Variants in MAPK9 observed in about 807,000 individuals in gnomAD.
MAPK9 encodes mitogen-activated protein kinase 9.
A neutral mutation model predicts 57.1 loss-of-function variants in MAPK9; 30 were observed. The ratio of observed to expected loss-of-function variants is 0.53; its 90% CI spans 0.39 to 0.71. The LOEUF (loss-of-function observed/expected upper bound fraction) is 0.71, where lower values mean the gene tolerates loss of function less well. Ranked by LOEUF, MAPK9 falls within the 30% of genes least tolerant of loss-of-function variation. The pLI is 0.00. For synonymous variants in MAPK9, 155 were observed against 177.0 expected, an observed-to-expected ratio of 0.88 and a Z score of 0.99; for missense variants, 362 against 521.0, an observed-to-expected ratio of 0.69 and a Z score of 2.97.
chr5:180,286,484 C>G (rs1230300333), intron 1 of MAPK9, among the ~76,000 whole-genome samples: 1 of 151,758 alleles, frequency 6.6e-6, no homozygotes, highest in Non-Finnish European at 1.5e-5. Context: ...GGTATAACAA[C>G]GTAATCTTTC....
At position 180,234,040 on chromosome 5, in the gene MAPK9, G is replaced by C. The variant is rs879202455; in HGVS notation, c.*2344C>G. On this transcript the variant is annotated 3_prime_UTR_variant, in exon 12 of 12. Transcript: ENST00000452135. ...TTGAAACTGAGACCTGGACATGGGG[G>C]AGACAGTCGTTTCCTTCTTGGCTGG... 1 of 152,238 alleles carries C rather than the reference G, an allele frequency of 6.6e-6. No homozygotes were observed. The highest frequency in any genetic ancestry group is 6.5e-5 in the Admixed American group (1 of 15,284). 9.4% of individuals were successfully genotyped at this position (152,238 alleles called of 1,614,324 possible).
rs35920586 is a variant in MAPK9, at chr5:180,281,220, C to T, written c.-47-612G>A. On this transcript the variant is annotated intron_variant, in intron 1 of 11. Transcript: ENST00000452135. ...CCAGAGCTGGCATCAGCTGGCACAG[C>T]CCCAGAGTCCCACATCACCACCGGA... Among the ~76,000 whole-genome samples the T allele has an allele frequency of 1.2e-4, 18 of 152,280 alleles. No homozygotes were observed. In the East Asian group the frequency reaches 3.1e-3, roughly 26 times the overall value.
intron 1 of MAPK9, among the ~76,000 whole-genome samples, chr5:180,282,023 G>A (rs767670045): frequency 6.6e-6 from 1 of 152,222 alleles, no homozygotes; most frequent in African/African-American, 2.4e-5. Context: ...GCTGTGAGAA[G>A]GGGACTCAGG....
At chr5:180,261,633 T>A (rs1759978377) in intron 5 of MAPK9, 51 bp downstream of exon 5, 1 of 1,495,728 alleles carries the variant, frequency 6.7e-7, no homozygotes, top group Admixed American at 2.2e-5. Flanking sequence ...TAAAGGATTA[T>A]GACAACCAAA....
Position 180,234,255 on chromosome 5 carries a change from C to A in MAPK9, c.*2129G>T, listed in dbSNP as rs1757023423. 6.6e-6 allele frequency: 1 copy of A among 152,200 alleles called. No homozygotes were observed. Among genetic ancestry groups the A allele is most frequent in the Non-Finnish European group, 1.5e-5 (1 of 68,036 alleles). 9.4% of individuals were successfully genotyped at this position (152,200 alleles called of 1,614,324 possible). Reference sequence around the variant, plus strand: ...TTCTTTAACCAACATCAGCATTTATCCATAGAGATCAGTTTGAAACCATTT... The same window carrying A: ...TTCTTTAACCAACATCAGCATTTATACATAGAGATCAGTTTGAAACCATTT... On this transcript the variant is annotated 3_prime_UTR_variant, in exon 12 of 12. Coordinates refer to ENST00000452135, the MANE Select transcript of MAPK9 (RefSeq NM_002752.5).
chr5:180,248,384 G>A (rs1009712112), intron 6 of MAPK9, among the ~76,000 whole-genome samples: 1 of 152,168 alleles, frequency 6.6e-6, no homozygotes, highest in Non-Finnish European at 1.5e-5. Flanking sequence ...GATGACCCGG[G>A]CAAACTTTCA....
chr5:180,263,378 C>T (rs1382227397), intron 4 of MAPK9, among the ~76,000 whole-genome samples: 1 of 152,176 alleles, frequency 6.6e-6, no homozygotes, highest in African/African-American at 2.4e-5. Context: ...ACTGCTGCAA[C>T]AGCAGTAACT....
intron 7 of MAPK9, chr5:180,242,978 A>C (rs1307927816): frequency 2.3e-6 from 1 of 428,362 alleles, no homozygotes; most frequent in African/African-American, 2.0e-5. Context: ...AGTTTATTAA[A>C]TCAACACAAT....
chr5:180,248,277 T>C (rs1244395128), intron 6 of MAPK9, among the ~76,000 whole-genome samples: 1 of 152,166 alleles, frequency 6.6e-6, no homozygotes, highest in African/African-American at 2.4e-5. Flanking sequence ...GATCAAGTTT[T>C]CTCTCCCCTC....
In MAPK9 at chr5:180,247,131, T is replaced by C. The variant is rs562435756; in HGVS notation, c.688+308A>G. 13 of 440,980 alleles carry C rather than the reference T, an allele frequency of 2.9e-5. No homozygotes were observed. The East Asian group carries it at 4.5e-4, about 15-fold the overall frequency. The allele number at this position is 440,980 out of a possible 1,614,324, so 27.3% of individuals were successfully genotyped here. On this transcript the variant is annotated intron_variant, in intron 7 of 11. Transcript: ENST00000452135. The surrounding 1 kb of genome is among the most constrained non-coding windows in gnomAD (Gnocchi z 4.5). ...GTATTTTCATTTAAATATCAGAATA[T>C]ACTTATCAAAGAGTAAATAATTTCT...
chr5:180,278,429 C>T (rs1581292640), intron 2 of MAPK9, among the ~76,000 whole-genome samples: 1 of 152,350 alleles, frequency 6.6e-6, no homozygotes, highest in Non-Finnish European at 1.5e-5. Flanking sequence ...AGGCCGGGCG[C>T]AGTGGCTCAT....
chr5:180,253,906 CT>C (rs1472646392), intron 5 of MAPK9, among the ~76,000 whole-genome samples: 2 of 149,644 alleles, frequency 1.3e-5, no homozygotes, highest in Non-Finnish European at 3.0e-5. Flanking sequence ...GACACCCATT[CT>C]TTAACAATTT....
chr5:180,290,793 C>A (rs1223955548), intron 1 of MAPK9, among the ~76,000 whole-genome samples: 1 of 152,232 alleles, frequency 6.6e-6, no homozygotes, highest in Non-Finnish European at 1.5e-5. Context: ...TTTGATCATT[C>A]ATTCATTCAT....
chr5:180,260,076 C>T (rs1234568605), intron 5 of MAPK9, among the ~76,000 whole-genome samples: 2 of 152,210 alleles, frequency 1.3e-5, no homozygotes, highest in African/African-American at 2.4e-5. Context: ...TGGAACTCTT[C>T]CATTTCCCTT....
intron 2 of MAPK9, among the ~76,000 whole-genome samples, chr5:180,277,542 T>C (rs532304083): frequency 6.6e-5 from 10 of 152,342 alleles, no homozygotes; most frequent in African/African-American, 2.4e-4. Flanking sequence ...CCTTTTGCCA[T>C]GTAAAGAAAT....
At chr5:180,275,435 TA>T (rs1761723990) in intron 2 of MAPK9, among the ~76,000 whole-genome samples, 1 of 152,132 alleles carries the variant, frequency 6.6e-6, no homozygotes, top group South Asian at 2.1e-4. Flanking sequence ...CCAACACAAG[TA>T]AAAGAAGTTT....
In MAPK9 at chr5:180,280,468, T is replaced by C. The variant is rs116080193; in HGVS notation, c.94A>G (p.Ile32Val). Residue 32 changes from isoleucine to valine, a missense_variant, in exon 2 of 12, where the codon ATT (isoleucine) becomes GTT (valine). By Grantham distance (29) the Ile-to-Val change is conservative. Around this residue, in one of 3 missense-constraint regions of MAPK9, gnomAD observed 36 missense variants for 38.0 expected, o/e 0.95. Coordinates refer to ENST00000452135, the MANE Select transcript of MAPK9 (RefSeq NM_002752.5). Reference sequence around the variant, plus strand: ...ACAATCCCTTGGGCCCCAGAGCCAATTGGTTTCAGCTGCTGGTAACGTTTT... The same window carrying C: ...ACAATCCCTTGGGCCCCAGAGCCAACTGGTTTCAGCTGCTGGTAACGTTTT... ...VLKRYQQLKP[I>V]GSGAQGIVCA... 48 of 1,614,144 alleles carry C rather than the reference T, an allele frequency of 3.0e-5. No homozygotes were observed. The highest frequency in any genetic ancestry group is 1.7e-4 in the African/African-American group (13 of 75,026).
At chr5:180,251,867 CT>C (rs1289245698) in intron 5 of MAPK9, among the ~76,000 whole-genome samples, 1 of 152,184 alleles carries the variant, frequency 6.6e-6, no homozygotes, top group African/African-American at 2.4e-5. Flanking sequence ...CCGCTCAACT[CT>C]GGGATCCAGA....
chr5:180,236,604 T>C (rs1757193000), intron 11 of MAPK9, 78 bp from the exon 12 acceptor site: 2 of 1,505,166 alleles, frequency 1.3e-6, no homozygotes, highest in Non-Finnish European at 1.8e-6. Context: ...CTGCAGGCCA[T>C]TTCTCGGCTC....
Sources: gnomAD v4.1 joint callset for allele counts (sites outside exome capture counted in the v4.1 genomes callset) on GRCh38, gnomAD v4.1.1 for gene constraint, gnomAD v4.1.1 regional missense constraint, Gnocchi (gnomAD v3.1) non-coding constraint, MANE v1.5 for transcripts, NCBI Gene and HGNC (gene_info 2026-07-23, HGNC 2026-07-21) for gene names.